Variants in BARD1 observed in about 807,000 individuals in gnomAD.
BARD1 encodes BRCA1 associated RING domain 1, also known as BRCA1-associated RING domain protein 1.
BARD1 carries 73 observed loss-of-function variants against 77.0 expected under a neutral mutation model. The ratio of observed to expected loss-of-function variants is 0.95; its 90% CI spans 0.79 to 1.15. The LOEUF (loss-of-function observed/expected upper bound fraction) is 1.15, where lower values mean the gene tolerates loss of function less well. Among genes scored for constraint, BARD1 ranks in the 50% most tolerant of loss-of-function variants. The pLI, the probability that BARD1 is intolerant of heterozygous loss-of-function variation, is 0.00. For synonymous variants in BARD1, 384 were observed against 338.0 expected, an observed-to-expected ratio of 1.14 and a Z score of -1.49; for missense variants, 993 against 938.8, an observed-to-expected ratio of 1.06 and a Z score of -0.75.
At chr2:214,768,104 C>T (rs1194005737) in intron 5 of BARD1, among the ~76,000 whole-genome samples, 2 of 152,174 alleles carry the variant, frequency 1.3e-5, no homozygotes, top group Non-Finnish European at 2.9e-5. Context: ...GCTGAACCTA[C>T]AAATTGCTGT....
At chr2:214,732,323 G>C (rs368952803) in intron 9 of BARD1, among the ~76,000 whole-genome samples, 12 of 152,164 alleles carry the variant, frequency 7.9e-5, no homozygotes, top group Middle Eastern at 3.4e-3. Flanking sequence ...ACTGTCCTGC[G>C]ATTGCATCTA....
intron 1 of BARD1, among the ~76,000 whole-genome samples, chr2:214,801,603 A>T (rs1696022690): frequency 6.6e-6 from 1 of 152,268 alleles, no homozygotes; most frequent in East Asian, 1.9e-4. Flanking sequence ...TACAACTATT[A>T]TTAGCCTATG....
rs535476178 is a variant in BARD1 at position 214,803,046 on chromosome 2, CAT to C, written c.159-5931_159-5930del. 9.9e-3 allele frequency among the ~76,000 whole-genome samples: 1,474 copies of C among 148,676 alleles called. 22 individuals are homozygous for C. The highest frequency in any genetic ancestry group is 0.033 in the African/African-American group (1,373 of 40,990). ...ACCCCCAACCCGGTGCTCTCTGAAA[CAT>C]GTGCTGTGTCAAACTCAGGGTTAAA... On this transcript the variant is annotated intron_variant, in intron 1 of 10. Coordinates refer to ENST00000260947, the MANE Select transcript of BARD1 (RefSeq NM_000465.4).
At chr2:214,786,338 T>C (rs1486649988) in intron 3 of BARD1, among the ~76,000 whole-genome samples, 2 of 152,040 alleles carry the variant, frequency 1.3e-5, no homozygotes, top group African/African-American at 4.8e-5. Context: ...TATTATTTTT[T>C]ATTTCCTTTT....
At chr2:214,749,824 T>C (rs937531502) in intron 7 of BARD1, among the ~76,000 whole-genome samples, 1 of 151,732 alleles carries the variant, frequency 6.6e-6, no homozygotes, top group African/African-American at 2.4e-5. Context: ...GGGCAAATCA[T>C]AGCCTCTTTA....
intron 8 of BARD1, 99 bp downstream of exon 8, chr2:214,745,623 A>C: frequency 6.8e-7 from 1 of 1,472,886 alleles, no homozygotes; most frequent in Non-Finnish European, 9.5e-7. Flanking sequence ...GCCATCTCCC[A>C]ATGGTTAAAA....
chr2:214,801,270 T>C (rs1273718986), intron 1 of BARD1, among the ~76,000 whole-genome samples: 2 of 152,224 alleles, frequency 1.3e-5, no homozygotes, highest in Admixed American at 1.3e-4. Context: ...AATGGTTAAA[T>C]GAATCATGCA....
chr2:214,761,836 C>T (rs1693979750), intron 6 of BARD1, among the ~76,000 whole-genome samples: 1 of 151,594 alleles, frequency 6.6e-6, no homozygotes, highest in Admixed American at 6.6e-5. Context: ...AAAGGAAGAA[C>T]AAAACAAGCA....
intron 10 of BARD1, 124 bp downstream of exon 10, chr2:214,730,287 A>G: frequency 1.2e-6 from 1 of 807,700 alleles, no homozygotes; most frequent in South Asian, 1.5e-5. Context: ...AGTGCTTGAA[A>G]TAAGCACAAT....
rs146946984 is a variant in BARD1 at position 214,745,838 on chromosome 2, C to T, written c.1694G>A (p.Arg565His). ...SHCSVMNTGQ[R>H]RDGPLVLIGS... ...TATAAGTACAAGAGGTCCATCCCTA[C>T]GCTGCCCAGTGTTCATCTGTTAATA... The change falls in exon 8 of 11, where the codon CGT becomes CAT. Residue 565 changes from arginine to histidine, a missense_variant. Coordinates refer to ENST00000260947, the MANE Select transcript of BARD1 (RefSeq NM_000465.4). The T allele has an allele frequency of 2.1e-4, 340 of 1,614,046 alleles. 3 individuals carry two copies. The highest frequency in any genetic ancestry group is 1.7e-3 in the South Asian group (159 of 91,078).
chr2:214,771,845 C>G (rs929058350), intron 4 of BARD1, among the ~76,000 whole-genome samples: 4 of 149,986 alleles, frequency 2.7e-5, no homozygotes, highest in Non-Finnish European at 5.9e-5. Flanking sequence ...TTTTTATATT[C>G]CTAAATTAAC....
rs550707672 is a variant in BARD1 at position 214,760,717 on chromosome 2, A to G, written c.1568+6765T>C. 3.5e-4 allele frequency among the ~76,000 whole-genome samples: 53 copies of G among 152,290 alleles called. 1 individual carries two copies. In the Middle Eastern group the frequency reaches 0.01, roughly 30 times the overall value. ...CAGGAAAGTTATAAAGTTAATCAAA[A>G]TCACAGCCTCAGATAAAACGTCAAA... On this transcript the variant is annotated intron_variant, in intron 6 of 10. Coordinates refer to ENST00000260947, the MANE Select transcript of BARD1 (RefSeq NM_000465.4).
chr2:214,786,460 G>A (rs1293442503), intron 3 of BARD1, among the ~76,000 whole-genome samples: 2 of 151,876 alleles, frequency 1.3e-5, no homozygotes, highest in African/African-American at 4.8e-5. Context: ...GTTCAAAATT[G>A]CTTCTTCTGC....
At chr2:214,777,733 C>T (rs1042838711) in intron 4 of BARD1, among the ~76,000 whole-genome samples, 1 of 152,216 alleles carries the variant, frequency 6.6e-6, no homozygotes, top group Non-Finnish European at 1.5e-5. Flanking sequence ...TTTACCAACT[C>T]CTTGTTCCAT....
rs1485066170 is a variant in BARD1, at chr2:214,769,158, T to C, written c.1395+74A>G. On this transcript the variant is annotated intron_variant, in intron 5 of 10. Coordinates refer to ENST00000260947, the MANE Select transcript of BARD1 (RefSeq NM_000465.4). ...AGTATATGTGGCAGAGGATGATATA[T>C]AGACAACTACATAACTATAAACTAT... The C allele has an allele frequency of 2.3e-5, 30 of 1,283,374 alleles. 1 individual carries two copies. Among genetic ancestry groups the C allele is most frequent in the South Asian group, 7.3e-5 (6 of 82,214 alleles). 79.5% of individuals were successfully genotyped at this position (1,283,374 alleles called of 1,614,324 possible). A position where few individuals can be genotyped will look rare whatever the true frequency, so the allele number is the denominator to read the frequency against.
intron 2 of BARD1, among the ~76,000 whole-genome samples, chr2:214,794,425 A>G (rs1034051133): frequency 6.6e-6 from 1 of 152,210 alleles, no homozygotes; most frequent in African/African-American, 2.4e-5. Context: ...GACTGAATAT[A>G]TAAGTTGAGA....
At chr2:214,799,440 T>C (rs549618582) in intron 1 of BARD1, among the ~76,000 whole-genome samples, 2 of 152,354 alleles carry the variant, frequency 1.3e-5, no homozygotes, top group South Asian at 2.1e-4. Flanking sequence ...AAACAATCTC[T>C]ATGCTTCCTC....
chr2:214,783,658 A>T (rs986900612), intron 3 of BARD1, among the ~76,000 whole-genome samples: 1 of 151,992 alleles, frequency 6.6e-6, no homozygotes, highest in Non-Finnish European at 1.5e-5. Flanking sequence ...GCGGCAAACC[A>T]TTGTGACATA....
At chr2:214,734,177 T>TA (rs1393782743) in intron 9 of BARD1, among the ~76,000 whole-genome samples, 2 of 152,098 alleles carry the variant, frequency 1.3e-5, no homozygotes, top group Non-Finnish European at 2.9e-5. Context: ...TTTTAAATAT[T>TA]AAAAAAATAT....
Sources: allele counts gnomAD v4.1 joint callset (sites outside exome capture counted in the v4.1 genomes callset), GRCh38; gene constraint gnomAD v4.1.1; transcripts MANE v1.5; gene names NCBI Gene and HGNC (gene_info 2026-07-23, HGNC 2026-07-21).